The following ROBO1 variants were observed in gnomAD, a reference collection of about 807,000 sequenced individuals.
ROBO1 encodes roundabout homolog 1.
ROBO1 carries 149 observed loss-of-function variants against 195.9 expected under a neutral mutation model. That is an observed-to-expected ratio of 0.76 (90% CI 0.67 to 0.87). ROBO1 has a LOEUF of 0.87. Among genes scored for constraint, ROBO1 ranks in the 40% least tolerant of loss-of-function variants. The probability of loss-of-function intolerance (pLI) is 0.00; values close to 1 mark genes in which losing one functional copy is unlikely to be tolerated. For synonymous variants in ROBO1, 816 were observed against 733.2 expected, an observed-to-expected ratio of 1.11 and a Z score of -1.82; for missense variants, 1,933 against 2,068.3, an observed-to-expected ratio of 0.93 and a Z score of 1.27.
At chr3:79,193,348 C>T (rs2081574125) in intron 2 of ROBO1, among the ~76,000 whole-genome samples, 1 of 151,556 alleles carries the variant, frequency 6.6e-6, no homozygotes, top group Non-Finnish European at 1.5e-5. Flanking sequence ...AAACAATTTA[C>T]ATATATTATC....
chr3:79,001,359 C>T (rs556515530), intron 3 of ROBO1, among the ~76,000 whole-genome samples: 2 of 152,234 alleles, frequency 1.3e-5, no homozygotes, highest in East Asian at 3.9e-4. Context: ...ATGGAAATAA[C>T]TGCCCCCATG....
chr3:79,353,925 A>C (rs1307704842), intron 2 of ROBO1, among the ~76,000 whole-genome samples: 1 of 151,998 alleles, frequency 6.6e-6, no homozygotes, highest in Admixed American at 6.6e-5. Flanking sequence ...GGCACCTGTA[A>C]TCCCAGCTAC....
At chr3:79,490,488 G>A (rs1298121787) in intron 2 of ROBO1, among the ~76,000 whole-genome samples, 2 of 152,116 alleles carry the variant, frequency 1.3e-5, no homozygotes, top group East Asian at 3.8e-4. Flanking sequence ...TATTTAAAAA[G>A]GAACAGCCAG....
intron 3 of ROBO1, among the ~76,000 whole-genome samples, chr3:78,976,035 T>C (rs560222575): frequency 6.6e-6 from 1 of 152,316 alleles, no homozygotes; most frequent in South Asian, 2.1e-4. Context: ...CTTGTTTTTG[T>C]GTTTTCTAAA....
At chr3:79,425,497 A>T (rs2038408583) in intron 2 of ROBO1, among the ~76,000 whole-genome samples, 1 of 152,162 alleles carries the variant, frequency 6.6e-6, no homozygotes, top group Non-Finnish European at 1.5e-5. Context: ...ACAACAGTAT[A>T]AGCCAGAAAG....
At chr3:78,637,892 C>T (rs183254975) in intron 22 of ROBO1, among the ~76,000 whole-genome samples, 11 of 150,670 alleles carry the variant, frequency 7.3e-5, no homozygotes, top group African/African-American at 2.2e-4. Context: ...CTCGCCTTTC[C>T]GTAATTCCAC....
chr3:79,549,744 T>C (rs1218428262), intron 2 of ROBO1, among the ~76,000 whole-genome samples: 1 of 152,154 alleles, frequency 6.6e-6, no homozygotes, highest in Non-Finnish European at 1.5e-5. Context: ...CCATCCTCCG[T>C]AGACACAAAG....
intron 2 of ROBO1, among the ~76,000 whole-genome samples, chr3:79,348,384 A>T (rs1289815562): frequency 1.3e-5 from 2 of 152,140 alleles, no homozygotes; most frequent in African/African-American, 4.8e-5. Context: ...ATTCAAATGC[A>T]TGCATTTGTT....
chr3:79,045,475 C>G (rs549409988), intron 3 of ROBO1, among the ~76,000 whole-genome samples: 81 of 151,976 alleles, frequency 5.3e-4, no homozygotes, highest in African/African-American at 1.9e-3. Context: ...TATAGAGAAA[C>G]ATATGGAGAT....
chr3:79,691,877 A>G (rs1407653143), intron 1 of ROBO1, among the ~76,000 whole-genome samples: 1 of 151,894 alleles, frequency 6.6e-6, no homozygotes, highest in East Asian at 1.9e-4. Context: ...TAGATGATTC[A>G]TGTGTTCTTT....
At chr3:78,788,312 G>T (rs2083907204) in intron 4 of ROBO1, among the ~76,000 whole-genome samples, 1 of 151,208 alleles carries the variant, frequency 6.6e-6, no homozygotes, top group Admixed American at 6.6e-5. Flanking sequence ...TAGAGACGGG[G>T]TTTCACCGTG....
chr3:78,636,899 A>G (rs1705534757), intron 22 of ROBO1, among the ~76,000 whole-genome samples: 1 of 145,854 alleles, frequency 6.9e-6, no homozygotes. Context: ...TGGACATTAA[A>G]TAACTGAATA....
At chr3:79,158,318 T>C (rs1029356746) in intron 2 of ROBO1, among the ~76,000 whole-genome samples, 37 of 150,742 alleles carry the variant, frequency 2.5e-4, no homozygotes, top group African/African-American at 8.5e-4. Flanking sequence ...AAATATATCA[T>C]ATATTTTTAT....
intron 2 of ROBO1, among the ~76,000 whole-genome samples, chr3:79,540,844 C>A (rs900151704): frequency 6.6e-6 from 1 of 152,054 alleles, no homozygotes; most frequent in East Asian, 1.9e-4. Flanking sequence ...GTCATGTCTA[C>A]GTAATATTTT....
intron 4 of ROBO1, among the ~76,000 whole-genome samples, chr3:78,770,960 G>A (rs2083358122): frequency 6.6e-6 from 1 of 151,998 alleles, no homozygotes; most frequent in African/African-American, 2.4e-5. Context: ...CCAGCTACTC[G>A]GGATGCTGAG....
chr3:79,368,876 T>C (rs1458853478), intron 2 of ROBO1, among the ~76,000 whole-genome samples: 2 of 152,192 alleles, frequency 1.3e-5, no homozygotes, highest in African/African-American at 4.8e-5. Flanking sequence ...CTGATTGTTT[T>C]TACATGATGA....
intron 2 of ROBO1, among the ~76,000 whole-genome samples, chr3:79,219,250 G>A (rs544705252): frequency 1.3e-5 from 2 of 152,066 alleles, no homozygotes; most frequent in African/African-American, 4.8e-5. Flanking sequence ...TTACCTGTGT[G>A]ATGGGTATAC....
At chr3:79,254,246 T>C (rs757113009) in intron 2 of ROBO1, among the ~76,000 whole-genome samples, 1 of 152,190 alleles carries the variant, frequency 6.6e-6, no homozygotes, top group Non-Finnish European at 1.5e-5. Context: ...TTAATTTTTA[T>C]CGATATATAT....
intron 2 of ROBO1, among the ~76,000 whole-genome samples, chr3:79,543,010 TG>T (rs1330070516): frequency 6.6e-6 from 1 of 152,018 alleles, no homozygotes; most frequent in African/African-American, 2.4e-5. Context: ...GGACATAAAA[TG>T]GGATTTCAAA....
Sources: gnomAD v4.1 joint callset for allele counts (sites outside exome capture counted in the v4.1 genomes callset) on GRCh38, gnomAD v4.1.1 for gene constraint, MANE v1.5 for transcripts, NCBI Gene and HGNC (gene_info 2026-07-23, HGNC 2026-07-21) for gene names.